The following HYAL4 variants were observed in gnomAD, a reference collection of about 807,000 sequenced individuals.
The protein encoded by HYAL4 is hyaluronidase 4.
Under a neutral mutation model 35.2 loss-of-function variants are expected in HYAL4, and 37 were observed. That is an observed-to-expected ratio of 1.05 (90% confidence interval 0.81 to 1.38). The LOEUF (loss-of-function observed/expected upper bound fraction) is 1.38, where lower values mean the gene tolerates loss of function less well. Among genes scored for constraint, HYAL4 ranks in the 40% most tolerant of loss-of-function variants. The pLI, the probability that HYAL4 is intolerant of heterozygous loss-of-function variation, is 0.00. For synonymous variants in HYAL4, 198 were observed against 203.2 expected (o/e 0.97, Z 0.22); for missense variants, 572 against 572.4 (o/e 1.00, Z 0.01).
the HYAL4 span, among the ~76,000 whole-genome samples, chr7:123,796,723 G>GTA: frequency 3.9e-5 from 6 of 152,094 alleles, no homozygotes; most frequent in South Asian, 2.1e-4. Context: ...ACAGAATGTA[G>GTA]TATATATATA....
At chr7:123,765,057 A>G in the HYAL4 span, among the ~76,000 whole-genome samples, 1 of 152,350 alleles carries the variant, frequency 6.6e-6, no homozygotes, top group East Asian at 1.9e-4. Flanking sequence ...TAAGTACGTA[A>G]CAGCTACTTA....
the HYAL4 span, among the ~76,000 whole-genome samples, chr7:123,778,206 G>A: frequency 1.1e-4 from 16 of 143,020 alleles, no homozygotes; most frequent in South Asian, 2.3e-4. Flanking sequence ...TCACCTATTC[G>A]TATTATTTCA....
At chr7:123,854,451 T>C (rs1806384037) in intron 2 of HYAL4, among the ~76,000 whole-genome samples, 1 of 152,208 alleles carries the variant, frequency 6.6e-6, no homozygotes, top group Non-Finnish European at 1.5e-5. Context: ...AAAGAACTTA[T>C]TTATTTCTGC....
intron 1 of HYAL4, among the ~76,000 whole-genome samples, chr7:123,834,635 A>T (rs1186185253): frequency 1.3e-5 from 2 of 152,124 alleles, no homozygotes; most frequent in Admixed American, 1.3e-4. Context: ...AAATGGTGAG[A>T]GTGGGCATCC....
chr7:123,818,440 CAT>C, the HYAL4 span, among the ~76,000 whole-genome samples: 629 of 152,244 alleles, frequency 4.1e-3, 5 homozygotes, highest in African/African-American at 0.014. Flanking sequence ...TCCCAAGAGT[CAT>C]ATGAAATTTA....
At chr7:123,799,190 G>T in the HYAL4 span, among the ~76,000 whole-genome samples, 130,239 of 152,062 alleles carry the variant, frequency 0.86, 56,063 homozygotes, top group African/African-American at 0.95. Flanking sequence ...TCTCTCTGAC[G>T]GATTCACATT....
At chr7:123,874,426 C>T (rs765128398) in intron 3 of HYAL4, among the ~76,000 whole-genome samples, 12 of 151,864 alleles carry the variant, frequency 7.9e-5, no homozygotes, top group Non-Finnish European at 1.2e-4. Context: ...GCTTTTGAGG[C>T]GGAGTCTCAC....
chr7:123,833,561 C>A (rs906637387), intron 1 of HYAL4, among the ~76,000 whole-genome samples: 1 of 152,194 alleles, frequency 6.6e-6, no homozygotes, highest in African/African-American at 2.4e-5. Context: ...TTCCTTTTGC[C>A]ATGCAAAATC....
At chr7:123,840,380 G>T (rs920912757), upstream of HYAL4, among the ~76,000 whole-genome samples, 1 of 152,126 alleles carries the variant, frequency 6.6e-6, no homozygotes, top group Admixed American at 6.6e-5. Flanking sequence ...TGCTGTTTTG[G>T]TTACTGTAGC....
chr7:123,835,753 C>T (rs1584909074), intron 1 of HYAL4, among the ~76,000 whole-genome samples: 2 of 152,064 alleles, frequency 1.3e-5, no homozygotes, highest in South Asian at 4.1e-4. Context: ...TTTGCTGTAT[C>T]CCAGAGGTTT....
chr7:123,843,023 G>T (rs1806099234), upstream of HYAL4, among the ~76,000 whole-genome samples: 1 of 151,950 alleles, frequency 6.6e-6, no homozygotes, highest in South Asian at 2.1e-4. Context: ...TGTTATGAGT[G>T]AATTTGAGCC....
At chr7:123,851,473 A>C (rs1806304666) in intron 2 of HYAL4, among the ~76,000 whole-genome samples, 1 of 152,072 alleles carries the variant, frequency 6.6e-6, no homozygotes, top group African/African-American at 2.4e-5. Flanking sequence ...ACTCCCACTT[A>C]CGAGTGAGAA....
the HYAL4 span, chr7:123,814,971 T>G: frequency 6.6e-6 from 1 of 150,382 alleles, no homozygotes; most frequent in Non-Finnish European, 1.5e-5. Flanking sequence ...ATGACTATGT[T>G]TTGCCAGTTT....
chr7:123,795,644 C>T, the HYAL4 span, among the ~76,000 whole-genome samples: 1 of 152,164 alleles, frequency 6.6e-6, no homozygotes, highest in Non-Finnish European at 1.5e-5. Flanking sequence ...TCCCCTTCTG[C>T]CATGATTGTA....
intron 4 of HYAL4, chr7:123,876,060 G>A (rs564806284): frequency 9.0e-5 from 41 of 456,610 alleles, no homozygotes; most frequent in African/African-American, 6.2e-4. Context: ...TTGGTGGCTC[G>A]TCAGAAGAGC....
the HYAL4 span, among the ~76,000 whole-genome samples, chr7:123,776,005 C>A: frequency 1.3e-5 from 2 of 152,128 alleles, no homozygotes; most frequent in Admixed American, 1.3e-4. Flanking sequence ...TCAGGCACAC[C>A]CAACACTTGC....
chr7:123,877,210 G>A lies in HYAL4; in HGVS notation c.*55G>A. On this transcript the variant is annotated 3_prime_UTR_variant, in exon 5 of 5. Transcript: ENST00000223026. ...CCTCTAGCCTAGTCATTTAAAGAAG[G>A]ATGTAACTTATAACATTTTTTTTCT... is the stretch of plus-strand genomic sequence containing the variant. 1.3e-6 allele frequency: 2 copies of A among 1,503,238 alleles called. No individual in the cohort carries two copies. The highest frequency in any genetic ancestry group is 2.6e-5 in the South Asian group (2 of 75,876). 93.1% of individuals were successfully genotyped at this position (1,503,238 alleles called of 1,614,324 possible).
the HYAL4 span, among the ~76,000 whole-genome samples, chr7:123,822,380 G>A: frequency 1.3e-5 from 2 of 152,108 alleles, no homozygotes; most frequent in South Asian, 4.2e-4. Context: ...TTATTCCTAA[G>A]TATTTTATTA....
At chr7:123,810,937 A>G in the HYAL4 span, among the ~76,000 whole-genome samples, 11 of 152,280 alleles carry the variant, frequency 7.2e-5, no homozygotes, top group East Asian at 1.9e-4. Flanking sequence ...AGCTTTACAG[A>G]TAGTTTATTT....
Sources: allele counts gnomAD v4.1 joint callset (sites outside exome capture counted in the v4.1 genomes callset), GRCh38; gene constraint gnomAD v4.1.1; transcripts MANE v1.5; gene names NCBI Gene and HGNC (gene_info 2026-07-23, HGNC 2026-07-21).